The following FSHR variants were observed in gnomAD, a reference collection of about 807,000 sequenced individuals.
FSHR encodes the protein follicle-stimulating hormone receptor.
FSHR carries 46 observed loss-of-function variants against 52.1 expected under a neutral mutation model. The ratio of observed to expected loss-of-function variants is 0.88; its 90% CI spans 0.70 to 1.13. FSHR has a LOEUF of 1.13. Ranked by LOEUF, FSHR falls within the 50% of genes most tolerant of loss-of-function variation. FSHR has a pLI of 0.00. For missense variants in FSHR, 964 were observed against 834.6 expected, an observed-to-expected ratio of 1.16 and a Z score of -1.91; for synonymous variants, 399 against 309.6, an observed-to-expected ratio of 1.29 and a Z score of -3.03.
intron 1 of FSHR, among the ~76,000 whole-genome samples, chr2:49,100,670 C>T: frequency 6.6e-6 from 1 of 152,202 alleles, no homozygotes; most frequent in African/African-American, 2.4e-5. Context: ...TCCCAGATCC[C>T]TGATCAGATC....
At chr2:49,023,493 A>G (rs1369905058) in intron 2 of FSHR, among the ~76,000 whole-genome samples, 1 of 152,200 alleles carries the variant, frequency 6.6e-6, no homozygotes, top group Non-Finnish European at 1.5e-5. Flanking sequence ...CCAGCAGGTG[A>G]CAGCCCAGCC....
intron 1 of FSHR, among the ~76,000 whole-genome samples, chr2:49,094,765 C>T (rs1178171291): frequency 3.3e-5 from 5 of 151,354 alleles, no homozygotes; most frequent in Non-Finnish European, 7.4e-5. Flanking sequence ...ATTAGAGAAA[C>T]AGAAGAAATA....
At chr2:49,094,827 A>G (rs1370711722) in intron 1 of FSHR, among the ~76,000 whole-genome samples, 1 of 152,136 alleles carries the variant, frequency 6.6e-6, no homozygotes, top group African/African-American at 2.4e-5. Context: ...TAGAAAAACA[A>G]TATAAAAAAT....
chr2:49,101,495 G>A (rs956615610), intron 1 of FSHR, among the ~76,000 whole-genome samples: 1 of 152,000 alleles, frequency 6.6e-6, no homozygotes, highest in African/African-American at 2.4e-5. Flanking sequence ...TGATAAGAAA[G>A]CAGAAAATGA....
At chr2:49,118,993 T>G (rs765322248) in intron 1 of FSHR, among the ~76,000 whole-genome samples, 1 of 152,198 alleles carries the variant, frequency 6.6e-6, no homozygotes, top group Non-Finnish European at 1.5e-5. Context: ...GTCCTTGCAT[T>G]CCTTCTTGTG....
chr2:49,050,149 C>T (rs554255724), intron 2 of FSHR, among the ~76,000 whole-genome samples: 1 of 152,242 alleles, frequency 6.6e-6, no homozygotes, highest in African/African-American at 2.4e-5. Context: ...TTTTCACCTT[C>T]TAGACACTAA....
rs957840542 is a variant in FSHR, at chr2:49,038,388, A to G, written c.225-18228T>C. ...TGTAATCCCAGTACTTTGGGAGGCC[A>G]AGGCGGGCGGATCACGAGGTCAGGA... On this transcript the variant is annotated intron_variant, in intron 2 of 9. Coordinates refer to ENST00000406846, the MANE Select transcript of FSHR (RefSeq NM_000145.4). 2.7e-4 allele frequency among the ~76,000 whole-genome samples: 41 copies of G among 152,036 alleles called. No homozygotes were observed. In the Middle Eastern group the frequency reaches 0.02, roughly 76 times the overall value.
rs79048222 is a variant in FSHR at position 49,077,578 on chromosome 2, G to A, written c.153-9288C>T. 5.8e-3 allele frequency among the ~76,000 whole-genome samples: 887 copies of A among 152,284 alleles called. 3 individuals carry two copies. The highest frequency in any genetic ancestry group is 9.6e-3 in the Non-Finnish European group (651 of 68,028). ...TTACTTACGCAAATTTACGCAGCCA[G>A]CTTGACTATTTCCTCAGAAATTGGG... On this transcript the variant is annotated intron_variant, in intron 1 of 9. Transcript: ENST00000406846.
rs141453080 is a variant in FSHR, at chr2:49,017,807, T to C, written c.300-244A>G. Among the ~76,000 whole-genome samples the C allele has an allele frequency of 1.3e-4, 20 of 152,216 alleles. No individual in the cohort carries two copies. The East Asian group carries it at 3.9e-3, about 29-fold the overall frequency. On this transcript the variant is annotated intron_variant, in intron 3 of 9. Coordinates refer to ENST00000406846, the MANE Select transcript of FSHR (RefSeq NM_000145.4). The stretch of plus-strand genomic sequence containing the variant: ...TCCCTGCTGTTTCATTCTCATTACC[T>C]GGGCCCTGTCCGCTGGAGGCAAACA...
intron 8 of FSHR, among the ~76,000 whole-genome samples, chr2:48,981,513 T>A (rs954540535): frequency 6.6e-6 from 1 of 152,226 alleles, no homozygotes; most frequent in Non-Finnish European, 1.5e-5. Flanking sequence ...CAAGGCAGTC[T>A]GCTCTGTATC....
chr2:49,113,433 T>C (rs909537410), intron 1 of FSHR, among the ~76,000 whole-genome samples: 2 of 152,330 alleles, frequency 1.3e-5, no homozygotes, highest in African/African-American at 4.8e-5. Context: ...TTATGAAAAT[T>C]GTTAATCCAG....
In FSHR at chr2:48,962,697, A is replaced by C. The variant is rs755782364; in HGVS notation, c.*36T>G. On this transcript the variant is annotated 3_prime_UTR_variant, in exon 10 of 10. Coordinates refer to ENST00000406846, the MANE Select transcript of FSHR (RefSeq NM_000145.4). Reference sequence around the variant, plus strand: ...TACCCTTCAAAGGCAAGACTGAATTATCATTCAATACTCAGATACATTTTC... The same window carrying C: ...TACCCTTCAAAGGCAAGACTGAATTCTCATTCAATACTCAGATACATTTTC... The C allele has an allele frequency of 1.3e-6, 2 of 1,598,750 alleles. No individual in the cohort carries two copies. Among genetic ancestry groups the C allele is most frequent in the African/African-American group, 2.7e-5 (2 of 74,594 alleles).
At chr2:49,101,003 A>G (rs1196063254) in intron 1 of FSHR, among the ~76,000 whole-genome samples, 1 of 152,192 alleles carries the variant, frequency 6.6e-6, no homozygotes, top group African/African-American at 2.4e-5. Context: ...TGGCAAGTGC[A>G]TCAAAGAGAT....
At chr2:49,134,746 TG>T (rs1409241972) in intron 1 of FSHR, among the ~76,000 whole-genome samples, 1 of 152,218 alleles carries the variant, frequency 6.6e-6, no homozygotes, top group East Asian at 1.9e-4. Context: ...TAAAAAATGA[TG>T]CGTTCATGTC....
intron 8 of FSHR, among the ~76,000 whole-genome samples, 186 bp downstream of exon 8, chr2:48,982,726 T>G (rs1675308459): frequency 6.6e-6 from 1 of 152,200 alleles, no homozygotes; most frequent in African/African-American, 2.4e-5. Flanking sequence ...TAGTGTTGCT[T>G]TTTAATGGAG....
chr2:49,014,412 C>T (rs1208749389), intron 4 of FSHR, among the ~76,000 whole-genome samples: 1 of 152,092 alleles, frequency 6.6e-6, no homozygotes, highest in African/African-American at 2.4e-5. Context: ...GGAGGATGGA[C>T]TTAGTGGCAG....
intron 1 of FSHR, among the ~76,000 whole-genome samples, chr2:49,125,623 C>T (rs140835580): frequency 4.6e-5 from 7 of 152,296 alleles, no homozygotes; most frequent in East Asian, 3.9e-4. Context: ...GTTGAATTCA[C>T]GAATGAATTG....
chr2:49,078,977 A>C (rs1279919150), intron 1 of FSHR, among the ~76,000 whole-genome samples: 1 of 152,174 alleles, frequency 6.6e-6, no homozygotes, highest in African/African-American at 2.4e-5. Flanking sequence ...ACCCACAGAA[A>C]ACATCATTGT....
chr2:49,026,251 G>A (rs937618790), intron 2 of FSHR, among the ~76,000 whole-genome samples: 2 of 152,116 alleles, frequency 1.3e-5, no homozygotes, highest in Admixed American at 6.5e-5. Context: ...TTCATTTTTA[G>A]GTTTACCTTA....
Sources: allele counts gnomAD v4.1 joint callset (sites outside exome capture counted in the v4.1 genomes callset), GRCh38; gene constraint gnomAD v4.1.1; transcripts MANE v1.5; gene names NCBI Gene and HGNC (gene_info 2026-07-23, HGNC 2026-07-21).